The following FAM169A variants were observed in gnomAD, a reference collection of about 807,000 sequenced individuals.
The protein encoded by FAM169A is soluble lamin-associated protein of 75 kDa.
A neutral mutation model predicts 75.7 loss-of-function variants in FAM169A; 24 were observed. The observed-to-expected ratio is 0.32, with a 90% CI of 0.23 to 0.45. The LOEUF (loss-of-function observed/expected upper bound fraction) is 0.45. FAM169A is among the 20% of genes least tolerant of loss of function. The pLI, the probability that FAM169A is intolerant of heterozygous loss-of-function variation, is 1.00. For synonymous variants in FAM169A, 271 were observed against 271.0 expected (o/e 1.00, Z 0.00); for missense variants, 673 against 784.0 (o/e 0.86, Z 1.69).
In FAM169A at chr5:74,782,954, G is replaced by A. The variant is rs1167147744; in HGVS notation, c.1441C>T (p.Pro481Ser). 2 of 1,613,358 alleles carry A rather than the reference G, an allele frequency of 1.2e-6. No individual in the cohort carries two copies. Among genetic ancestry groups the A allele is most frequent in the Admixed American group, 1.7e-5 (1 of 59,998 alleles). Reference protein sequence around the residue: ...VPLVVESSKPPEVDAPDKTPR... With the variant: ...VPLVVESSKPSEVDAPDKTPR... ...ACCTTATCTGGTGCATCTACCTCAG[G>A]GGGTTTTGAAGATTCTACCACCAGT... The change falls in exon 12 of 13, where the codon CCT becomes TCT. Residue 481 changes from proline to serine, a missense_variant. This residue lies in a region of FAM169A where 510 missense variants were observed against 550.9 expected (regional missense o/e 0.93). Coordinates refer to ENST00000687041, the MANE Select transcript of FAM169A (RefSeq NM_001376049.1).
chr5:74,785,314 G>C (rs1028088667), intron 11 of FAM169A, among the ~76,000 whole-genome samples: 3 of 152,008 alleles, frequency 2.0e-5, no homozygotes, highest in Non-Finnish European at 4.4e-5. Context: ...GCGAGACTCC[G>C]TCTCAAAAGA....
chr5:74,861,449 A>G (rs375455398), intron 1 of FAM169A, among the ~76,000 whole-genome samples: 9 of 152,122 alleles, frequency 5.9e-5, no homozygotes, highest in Admixed American at 3.9e-4. Flanking sequence ...CGTATATCCA[A>G]AGTTGACCAG....
rs145087530 is a variant in FAM169A at position 74,854,358 on chromosome 5, G to A, written c.-4+11807C>T. ...TGCAGTGAGCCAAGACTGCACCACT[G>A]CACTCCAGCCTGGGTGACACAGCGA... On this transcript the variant is annotated intron_variant, in intron 1 of 12. Transcript: ENST00000687041. 4.7e-3 allele frequency among the ~76,000 whole-genome samples: 710 copies of A among 152,094 alleles called. 10 individuals carry two copies. The highest frequency in any genetic ancestry group is 0.016 in the African/African-American group (667 of 41,446).
intron 11 of FAM169A, among the ~76,000 whole-genome samples, chr5:74,787,747 T>C (rs1745768176): frequency 6.6e-6 from 1 of 152,168 alleles, no homozygotes. Context: ...ATCTGACTTG[T>C]GTACAGCTTT....
In FAM169A at chr5:74,805,224, C is replaced by A; in HGVS notation, c.731G>T (p.Gly244Val). The A allele has an allele frequency of 6.2e-7, 1 of 1,613,470 alleles. No individual in the cohort carries two copies. ...GDHELLWEVE[G>V]VGHWYQRIPV... ...TATTCGCTGGTACCAGTGTCCAACA[C>A]CTTCAACTTCCCAAAGGAGTTCATG... Residue 244 changes from glycine to valine, a missense_variant, in exon 7 of 13, where the codon GGT (glycine) becomes GTT (valine). By Grantham distance (109) the Gly-to-Val change is moderately radical. Around this residue, in one of 3 missense-constraint regions of FAM169A, gnomAD observed 510 missense variants for 550.9 expected, o/e 0.93. Transcript: ENST00000687041.
chr5:74,855,328 T>C (rs543108374), intron 1 of FAM169A, among the ~76,000 whole-genome samples: 4 of 152,332 alleles, frequency 2.6e-5, no homozygotes, highest in Admixed American at 2.0e-4. Flanking sequence ...CCCCAGTAGC[T>C]GGGACGACAG....
intron 5 of FAM169A, among the ~76,000 whole-genome samples, chr5:74,817,765 A>G (rs1320491656): frequency 6.6e-6 from 1 of 152,170 alleles, no homozygotes; most frequent in Non-Finnish European, 1.5e-5. Flanking sequence ...ACTTACTACA[A>G]AGCTAGAGTA....
intron 11 of FAM169A, among the ~76,000 whole-genome samples, chr5:74,784,539 A>C: frequency 6.9e-6 from 1 of 144,858 alleles, no homozygotes; most frequent in African/African-American, 2.6e-5. Flanking sequence ...ACAAGAAACC[A>C]AAGTGCAATA....
intron 10 of FAM169A, chr5:74,799,730 C>A: frequency 8.5e-7 from 1 of 1,172,516 alleles, no homozygotes; most frequent in South Asian, 1.2e-5. Context: ...AGACGGAGTT[C>A]CAGCTGCTCC....
rs550808098 is a variant in FAM169A, at chr5:74,835,211, T to C, written c.319-614A>G. On this transcript the variant is annotated intron_variant, in intron 4 of 12. Transcript: ENST00000687041. ...AATAAAAACATACTTAGGGCAGTAA[T>C]AGAACAGAAACAGAGTCTCACTTCC... Among the ~76,000 whole-genome samples, 5 of 152,106 alleles carry C rather than the reference T, an allele frequency of 3.3e-5. 1 individual carries two copies. In the South Asian group the frequency reaches 8.3e-4, roughly 25 times the overall value.
At chr5:74,791,392 T>A (rs1412337500) in intron 11 of FAM169A, among the ~76,000 whole-genome samples, 10 of 152,182 alleles carry the variant, frequency 6.6e-5, no homozygotes, top group Non-Finnish European at 1.5e-4. Context: ...CCTGTCCCCA[T>A]GACATTACGT....
intron 6 of FAM169A, among the ~76,000 whole-genome samples, chr5:74,812,899 A>T (rs1332726947): frequency 1.3e-5 from 2 of 152,218 alleles, no homozygotes; most frequent in African/African-American, 4.8e-5. Flanking sequence ...TGTAACCCTC[A>T]TATAATATTG....
intron 1 of FAM169A, among the ~76,000 whole-genome samples, chr5:74,854,798 T>C (rs1749624873): frequency 6.6e-6 from 1 of 152,242 alleles, no homozygotes; most frequent in African/African-American, 2.4e-5. Context: ...CATTCCTTTT[T>C]ATGTCTGAAT....
chr5:74,818,959 C>T (rs1747631656), intron 5 of FAM169A, among the ~76,000 whole-genome samples: 1 of 152,166 alleles, frequency 6.6e-6, no homozygotes. Context: ...GAGGCTCACG[C>T]CTGTAACCTC....
chr5:74,802,552 C>T (rs1746644401), intron 8 of FAM169A, among the ~76,000 whole-genome samples: 1 of 152,026 alleles, frequency 6.6e-6, no homozygotes, highest in South Asian at 2.1e-4. Flanking sequence ...AAAATTCCCA[C>T]CCACCCTTTA....
chr5:74,805,524 CTTTTTT>C (rs1194674402), intron 6 of FAM169A, among the ~76,000 whole-genome samples: 40 of 81,922 alleles, frequency 4.9e-4, no homozygotes, highest in African/African-American at 2.0e-3. Flanking sequence ...ATGTGCTTCG[CTTTTTT>C]TTTTTTTTTT....
intron 5 of FAM169A, among the ~76,000 whole-genome samples, chr5:74,820,585 C>T (rs1426066964): frequency 6.6e-6 from 1 of 152,088 alleles, no homozygotes; most frequent in Admixed American, 6.6e-5. Context: ...AACATGATCA[C>T]TTCTTACCAC....
intron 5 of FAM169A, among the ~76,000 whole-genome samples, chr5:74,822,173 T>A (rs188033816): frequency 1.3e-5 from 2 of 152,332 alleles, no homozygotes. Context: ...CTGGGAAGTG[T>A]GGTCCACCAG....
intron 5 of FAM169A, among the ~76,000 whole-genome samples, chr5:74,822,432 A>T (rs1158124439): frequency 6.6e-6 from 1 of 152,210 alleles, no homozygotes; most frequent in Non-Finnish European, 1.5e-5. Flanking sequence ...CAAATATTTT[A>T]TGGACAGCTA....
Sources: gnomAD v4.1 joint callset for allele counts (sites outside exome capture counted in the v4.1 genomes callset) on GRCh38, gnomAD v4.1.1 for gene constraint, gnomAD v4.1.1 regional missense constraint, MANE v1.5 for transcripts, NCBI Gene and HGNC (gene_info 2026-07-23, HGNC 2026-07-21) for gene names.